The following LIMCH1 variants were observed in gnomAD, a reference collection of about 807,000 sequenced individuals.
LIMCH1 encodes the protein LIM and calponin homology domains-containing protein 1.
LIMCH1 carries 113 observed loss-of-function variants against 176.5 expected under a neutral mutation model. The observed-to-expected ratio is 0.64, with a 90% confidence interval of 0.55 to 0.75. The LOEUF (loss-of-function observed/expected upper bound fraction) is 0.75. LIMCH1 is among the 30% of genes least tolerant of loss of function. The probability of loss-of-function intolerance (pLI) is 0.00; values close to 1 mark genes in which losing one functional copy is unlikely to be tolerated. For synonymous variants in LIMCH1, 619 were observed against 645.9 expected, an observed-to-expected ratio of 0.96 and a Z score of 0.63; for missense variants, 1,674 against 1,814.9, an observed-to-expected ratio of 0.92 and a Z score of 1.41.
chr4:41,492,694 AT>A (rs1561537263), intron 1 of LIMCH1, among the ~76,000 whole-genome samples: 1 of 152,124 alleles, frequency 6.6e-6, no homozygotes, highest in Admixed American at 6.5e-5. Flanking sequence ...TGTCCTGTCA[AT>A]TATTGAAGAG....
chr4:41,548,809 C>T lies in LIMCH1; in HGVS notation c.-241+10459C>T, dbSNP rs981738720. Among the ~76,000 whole-genome samples, 7 of 152,068 alleles carry T rather than the reference C, an allele frequency of 4.6e-5. No individual in the cohort carries two copies. The South Asian group carries it at 1.5e-3, about 32-fold the overall frequency. ...GGTTTCCATTATAATTCCATCACCC[C>T]TAGAGGCAGGAGGACTAAGTATGCA... On this transcript the variant is annotated intron_variant, in intron 1 of 31. Coordinates refer to ENST00000503057, the MANE Select transcript of LIMCH1 (RefSeq NM_001330672.2).
At chr4:41,430,011 A>G (rs1297477388) in intron 1 of LIMCH1, among the ~76,000 whole-genome samples, 1 of 152,218 alleles carries the variant, frequency 6.6e-6, no homozygotes, top group Non-Finnish European at 1.5e-5. Context: ...ATGGGCAGGG[A>G]AACACAATCC....
At chr4:41,481,849 G>T (rs1009410265) in intron 1 of LIMCH1, among the ~76,000 whole-genome samples, 143 of 141,806 alleles carry the variant, frequency 1.0e-3, no homozygotes, top group African/African-American at 3.0e-3. Flanking sequence ...TGAAATAGTT[G>T]TTTTTTTTTT....
At chr4:41,691,376 G>A (rs1015238333) in intron 30 of LIMCH1, among the ~76,000 whole-genome samples, 5 of 151,978 alleles carry the variant, frequency 3.3e-5, no homozygotes, top group Non-Finnish European at 5.9e-5. Flanking sequence ...GTCTCTTTCT[G>A]CACTCAGCCT....
intron 2 of LIMCH1, among the ~76,000 whole-genome samples, chr4:41,505,925 G>GACACACACAAAC (rs1554076891): frequency 3.0e-5 from 4 of 134,562 alleles, no homozygotes; most frequent in African/African-American, 1.1e-4. Context: ...CTGTGTTTCT[G>GACACACACAAAC]ACACACACAC....
At chr4:41,513,565 T>A (rs975686614) in intron 2 of LIMCH1, among the ~76,000 whole-genome samples, 2 of 152,202 alleles carry the variant, frequency 1.3e-5, no homozygotes, top group African/African-American at 4.8e-5. Context: ...GGGACTCCAC[T>A]CATTCCCATC....
At chr4:41,482,435 T>C (rs562882740) in intron 1 of LIMCH1, among the ~76,000 whole-genome samples, 44 of 151,518 alleles carry the variant, frequency 2.9e-4, no homozygotes, top group Non-Finnish European at 4.0e-4. Flanking sequence ...GAGGAAGGAG[T>C]ATTTATGGAG....
rs2092973047 is a variant in LIMCH1 at position 41,626,693 on chromosome 4, A to T, written c.726-15A>T. On this transcript the variant is annotated splice_polypyrimidine_tract_variant and intron_variant, in intron 7 of 31. Coordinates refer to ENST00000503057, the MANE Select transcript of LIMCH1 (RefSeq NM_001330672.2). ...CTGATCACATGTGGAGTCCCATTTAATTTTCCCCTATCAGTCAAAAACAAT... is the reference window on the plus strand; with the variant it reads ...CTGATCACATGTGGAGTCCCATTTATTTTTCCCCTATCAGTCAAAAACAAT... 1 of 1,532,080 alleles carries T rather than the reference A, an allele frequency of 6.5e-7. No homozygotes were observed. Among genetic ancestry groups the T allele is most frequent in the African/African-American group, 1.4e-5 (1 of 72,864 alleles). The allele number at this position is 1,532,080 out of a possible 1,614,324, so 94.9% of individuals were successfully genotyped here.
At chr4:41,578,734 C>T (rs112531530) in intron 1 of LIMCH1, among the ~76,000 whole-genome samples, 95 of 152,118 alleles carry the variant, frequency 6.2e-4, no homozygotes, top group African/African-American at 8.9e-4. Context: ...CCCTCCCCTC[C>T]CCTCCTTTGA....
Position 41,682,425 on chromosome 4 carries a change from G to A in LIMCH1, c.3810G>A (p.Lys1270=). The A allele has an allele frequency of 6.2e-7, 1 of 1,613,294 alleles. No individual in the cohort carries two copies. The highest frequency in any genetic ancestry group is 8.5e-7 in the Non-Finnish European group (1 of 1,179,454). Residue 1270 remains lysine (K), a synonymous_variant, in exon 26 of 32, where the codon AAG becomes AAA. Coordinates refer to ENST00000503057, the MANE Select transcript of LIMCH1 (RefSeq NM_001330672.2). ...FQGDDSDLLL[K]TRESDRLEEK... is the part of the protein sequence containing the mutation. ...GAGATGACAGTGACTTATTGCTGAAGACTAGGGAAAGTGATCGACTGGAGG... is the reference window on the plus strand; with the variant it reads ...GAGATGACAGTGACTTATTGCTGAAAACTAGGGAAAGTGATCGACTGGAGG...
chr4:41,501,884 TTTA>T (rs1176260030), intron 2 of LIMCH1, among the ~76,000 whole-genome samples: 13 of 121,960 alleles, frequency 1.1e-4, no homozygotes, highest in African/African-American at 3.4e-4. Context: ...TTTTTTTTTT[TTTA>T]AAAAAAACCT....
chr4:41,372,707 C>CTG (rs1353434188), intron 1 of LIMCH1, among the ~76,000 whole-genome samples: 2 of 152,102 alleles, frequency 1.3e-5, no homozygotes, highest in African/African-American at 2.4e-5. Flanking sequence ...TGAATATTGT[C>CTG]TGTGTGTGTG....
chr4:41,649,812 G>A (rs1255840753), intron 17 of LIMCH1, among the ~76,000 whole-genome samples: 1 of 152,126 alleles, frequency 6.6e-6, no homozygotes. Context: ...AATGTGCATG[G>A]TCTTTTTTTC....
chr4:41,571,509 G>A (rs1462387607), intron 1 of LIMCH1, among the ~76,000 whole-genome samples: 1 of 151,988 alleles, frequency 6.6e-6, no homozygotes, highest in African/African-American at 2.4e-5. Flanking sequence ...GAAGAGAGAA[G>A]CAGGAGGTTG....
chr4:41,523,532 T>G (rs1182670982), intron 2 of LIMCH1, among the ~76,000 whole-genome samples: 1 of 152,234 alleles, frequency 6.6e-6, no homozygotes, highest in Non-Finnish European at 1.5e-5. Flanking sequence ...GTTACCTAAT[T>G]GCCTGATTCC....
At chr4:41,451,857 CT>C (rs2063926066) in intron 1 of LIMCH1, among the ~76,000 whole-genome samples, 3 of 152,162 alleles carry the variant, frequency 2.0e-5, no homozygotes, top group Admixed American at 2.0e-4. Context: ...AATTTCATCC[CT>C]TTAGCTAAGC....
intron 1 of LIMCH1, among the ~76,000 whole-genome samples, chr4:41,460,458 C>CTTTATATTTTTATATATATATATA (rs372751468): frequency 1.8e-5 from 2 of 110,546 alleles, no homozygotes; most frequent in African/African-American, 7.9e-5. Context: ...TAGTAATCAT[C>CTTTATATTTTTATATATATATATA]TATATATATA....
chr4:41,391,328 C>T lies in LIMCH1; in HGVS notation c.96+30392C>T, dbSNP rs182506988. Among the ~76,000 whole-genome samples the T allele has an allele frequency of 4.7e-4, 71 of 152,216 alleles. No homozygotes were observed. The East Asian group carries it at 8.9e-3, about 19-fold the overall frequency. ...GATCCAATTGTTGGCAATTTCAAAA[C>T]GTGCCACCTGGATTTTATATACCTT... On this transcript the variant is annotated intron_variant, in intron 1 of 26. Coordinates refer to the LIMCH1 transcript ENST00000313860.
chr4:41,432,107 C>T (rs1028981707), intron 1 of LIMCH1, among the ~76,000 whole-genome samples: 4 of 152,148 alleles, frequency 2.6e-5, no homozygotes, highest in Non-Finnish European at 5.9e-5. Flanking sequence ...GAATTTAAAT[C>T]CGTGATTGTT....
Sources: gnomAD v4.1 joint callset for allele counts (sites outside exome capture counted in the v4.1 genomes callset) on GRCh38, gnomAD v4.1.1 for gene constraint, MANE v1.5 for transcripts, NCBI Gene and HGNC (gene_info 2026-07-23, HGNC 2026-07-21) for gene names.